The following WDFY2 variants were observed in gnomAD, a reference collection of about 807,000 sequenced individuals.
WDFY2 encodes WD repeat and FYVE domain-containing protein 2.
A neutral mutation model predicts 56.4 loss-of-function variants in WDFY2; 36 were observed. The observed-to-expected ratio is 0.64, with a 90% CI of 0.49 to 0.84. The LOEUF (loss-of-function observed/expected upper bound fraction) is 0.84, where lower values mean the gene tolerates loss of function less well. Among genes scored for constraint, WDFY2 ranks in the 40% least tolerant of loss-of-function variants. The pLI is 0.00. For synonymous variants in WDFY2, 176 were observed against 183.7 expected, an observed-to-expected ratio of 0.96 and a Z score of 0.34; for missense variants, 444 against 512.2, an observed-to-expected ratio of 0.87 and a Z score of 1.29.
At chr13:51,709,140 C>T (rs1376134274) in intron 4 of WDFY2, among the ~76,000 whole-genome samples, 1 of 152,140 alleles carries the variant, frequency 6.6e-6, no homozygotes, top group Admixed American at 6.5e-5. Flanking sequence ...CAGACTTGAA[C>T]AAAACAGTCA....
At chr13:51,724,351 C>T (rs1952559126) in intron 5 of WDFY2, among the ~76,000 whole-genome samples, 1 of 151,106 alleles carries the variant, frequency 6.6e-6, no homozygotes, top group South Asian at 2.1e-4. Context: ...GATTCTCCTG[C>T]CTCAGCCTCC....
chr13:51,721,795 T>C (rs75340377), intron 5 of WDFY2, among the ~76,000 whole-genome samples: 1 of 152,316 alleles, frequency 6.6e-6, no homozygotes, highest in African/African-American at 2.4e-5. Context: ...TTTCCATTGC[T>C]AAACACTGAT....
intron 5 of WDFY2, among the ~76,000 whole-genome samples, chr13:51,724,231 C>CTTTT (rs529903671): frequency 2.6e-4 from 28 of 108,014 alleles, no homozygotes; most frequent in Non-Finnish European, 3.9e-4. Context: ...TCTTTTTTAA[C>CTTTT]TTTTTTTTTT....
At chr13:51,601,142 T>G (rs988931457) in intron 1 of WDFY2, among the ~76,000 whole-genome samples, 2 of 152,206 alleles carry the variant, frequency 1.3e-5, no homozygotes, top group Non-Finnish European at 2.9e-5. Flanking sequence ...AACAAAATAT[T>G]TTTTCTTCTG....
chr13:51,686,184 C>A lies in WDFY2; in HGVS notation c.279+10941C>A, dbSNP rs970287781. Among the ~76,000 whole-genome samples, 3 of 152,180 alleles carry A rather than the reference C, an allele frequency of 2.0e-5. No individual in the cohort carries two copies. The East Asian group carries it at 5.8e-4, about 29-fold the overall frequency. ...CTCCCATAAAGGTCTGTATCTGTATCCCAGGTCTTCCATCTTCTAGCTTGA... is the reference window on the plus strand; with the variant it reads ...CTCCCATAAAGGTCTGTATCTGTATACCAGGTCTTCCATCTTCTAGCTTGA... On this transcript the variant is annotated intron_variant, in intron 3 of 11. Coordinates refer to ENST00000298125, the MANE Select transcript of WDFY2 (RefSeq NM_052950.4).
chr13:51,727,641 T>C (rs1024147393), intron 5 of WDFY2, 37 bp from the exon 6 acceptor site: 1 of 1,589,728 alleles, frequency 6.3e-7, no homozygotes, highest in Non-Finnish European at 8.6e-7. Context: ...TTCCCTCATT[T>C]AATTTTGAGA....
intron 1 of WDFY2, among the ~76,000 whole-genome samples, chr13:51,614,058 C>T (rs1487170702): frequency 4.0e-5 from 6 of 151,556 alleles, no homozygotes; most frequent in Admixed American, 1.3e-4. Context: ...TGGTGGTGGG[C>T]GCCTGTAATC....
chr13:51,610,867 A>G (rs1954489138), intron 1 of WDFY2, among the ~76,000 whole-genome samples: 2 of 152,202 alleles, frequency 1.3e-5, no homozygotes, highest in Non-Finnish European at 2.9e-5. Flanking sequence ...CCTCTTTGGC[A>G]TTCATCTGGA....
At chr13:51,660,575 A>T (rs1290718890) in intron 1 of WDFY2, 21 bp from the exon 2 acceptor site, 3 of 1,606,388 alleles carry the variant, frequency 1.9e-6, no homozygotes, top group Non-Finnish European at 2.6e-6. Flanking sequence ...GATTTCATGT[A>T]CATATTTTCT....
rs1237549171 is a variant in WDFY2 at position 51,762,159 on chromosome 13, T to C, written c.*2390T>C. On this transcript the variant is annotated 3_prime_UTR_variant, in exon 12 of 12. Coordinates refer to ENST00000298125, the MANE Select transcript of WDFY2 (RefSeq NM_052950.4). ...CATTTTCCCTTCCTAAACTTTGAGC[T>C]TGGCCTGCCGGCAGAGAGAGGAACA... The C allele has an allele frequency of 6.6e-6, 1 of 152,270 alleles. No individual in the cohort carries two copies. The highest frequency in any genetic ancestry group is 2.4e-5 in the African/African-American group (1 of 41,460). 9.4% of individuals were successfully genotyped at this position (152,270 alleles called of 1,614,324 possible).
At chr13:51,704,051 T>A (rs1045810150) in intron 4 of WDFY2, among the ~76,000 whole-genome samples, 1 of 152,242 alleles carries the variant, frequency 6.6e-6, no homozygotes, top group Non-Finnish European at 1.5e-5. Flanking sequence ...TGTGGTTTTA[T>A]CATGTCTTCA....
In WDFY2 at chr13:51,737,551, TAAAAAAAAAAAAAAAAAA is replaced by T. The variant is rs67418551; in HGVS notation, c.599-1484_599-1467del. On this transcript the variant is annotated intron_variant, in intron 6 of 11. Transcript: ENST00000298125. ...CTACTGGGGCAGGAGACAATGAATT[TAAAAAAAAAAAAAAAAAA>T]AAAAAAAAAAAAAGAATAATCAGGA... Among the ~76,000 whole-genome samples the T allele has an allele frequency of 5.6e-3, 297 of 53,288 alleles. 4 individuals are homozygous for T. The highest frequency in any genetic ancestry group is 9.8e-3 in the African/African-American group (107 of 10,900). 35.0% of individuals were successfully genotyped at this position (53,288 alleles called of 152,430 possible).
At chr13:51,688,187 T>C (rs1477206695) in intron 3 of WDFY2, among the ~76,000 whole-genome samples, 1 of 152,172 alleles carries the variant, frequency 6.6e-6, no homozygotes, top group South Asian at 2.1e-4. Flanking sequence ...CCGGTGTCCA[T>C]GCCAACCATT....
chr13:51,631,862 A>G lies in WDFY2; in HGVS notation c.138-28734A>G, dbSNP rs144633153. Among the ~76,000 whole-genome samples, 476 of 152,270 alleles carry G rather than the reference A, an allele frequency of 3.1e-3. 3 individuals are homozygous for G. The highest frequency in any genetic ancestry group is 0.011 in the African/African-American group (456 of 41,542). On this transcript the variant is annotated intron_variant, in intron 1 of 11. Coordinates refer to ENST00000298125, the MANE Select transcript of WDFY2 (RefSeq NM_052950.4). ...TCTAGCTTTGTTAGCTTTATTGCTC[A>G]CTGCTGTTTCTCTTATACTTCTATT...
intron 1 of WDFY2, chr13:51,589,006 A>G (rs1953996187): frequency 6.6e-6 from 1 of 152,190 alleles, no homozygotes; most frequent in African/African-American, 2.4e-5. Context: ...ATTCAGGACC[A>G]ATTTATACAA....
intron 1 of WDFY2, among the ~76,000 whole-genome samples, chr13:51,639,756 G>A (rs1955121476): frequency 6.6e-6 from 1 of 152,164 alleles, no homozygotes; most frequent in South Asian, 2.1e-4. Flanking sequence ...GTGTTTTTCA[G>A]TAGTGAGGAG....
At chr13:51,692,006 G>T (rs1459212857) in intron 3 of WDFY2, among the ~76,000 whole-genome samples, 1 of 151,862 alleles carries the variant, frequency 6.6e-6, no homozygotes, top group East Asian at 1.9e-4. Flanking sequence ...TCTGTTATTG[G>T]TGTATAAGAA....
chr13:51,601,459 G>T (rs993313267), intron 1 of WDFY2, among the ~76,000 whole-genome samples: 2 of 151,524 alleles, frequency 1.3e-5, no homozygotes, highest in Admixed American at 1.3e-4. Flanking sequence ...TTGTCGCCCA[G>T]GCTGGAGTGC....
rs1229148054 is a variant in WDFY2 at position 51,733,203 on chromosome 13, GT to G, written c.598+5420del. On this transcript the variant is annotated intron_variant, in intron 6 of 11. Coordinates refer to ENST00000298125, the MANE Select transcript of WDFY2 (RefSeq NM_052950.4). ...GGTGCACGCCACCACACCCATCAAA[GT>G]TTTTTTATTTTTAGTAAAGATAGGG... Among the ~76,000 whole-genome samples, 4 of 152,150 alleles carry G rather than the reference GT, an allele frequency of 2.6e-5. No homozygotes were observed. The South Asian group carries it at 8.3e-4, about 32-fold the overall frequency.
Sources: gnomAD v4.1 joint callset for allele counts (sites outside exome capture counted in the v4.1 genomes callset) on GRCh38, gnomAD v4.1.1 for gene constraint, MANE v1.5 for transcripts, NCBI Gene and HGNC (gene_info 2026-07-23, HGNC 2026-07-21) for gene names.